The following AGMO variants were observed in gnomAD, a reference collection of about 807,000 sequenced individuals.
The protein encoded by AGMO is alkylglycerol monooxygenase.
Under a neutral mutation model 60.2 loss-of-function variants are expected in AGMO, and 75 were observed. The ratio of observed to expected loss-of-function variants is 1.25; its 90% confidence interval spans 1.03 to 1.51. AGMO has a LOEUF of 1.51. Among genes scored for constraint, AGMO ranks in the 40% most tolerant of loss-of-function variants. The pLI is 0.00. For missense variants in AGMO, 763 were observed against 525.5 expected (o/e 1.45, Z -4.42); for synonymous variants, 261 against 177.1 (o/e 1.47, Z -3.76).
intron 12 of AGMO, among the ~76,000 whole-genome samples, chr7:15,214,730 G>T (rs914437944): frequency 6.6e-6 from 1 of 151,994 alleles, no homozygotes. Context: ...TTTAAAGGAT[G>T]TGGTTGCTTT....
At chr7:15,480,764 G>A (rs1015831636) in intron 3 of AGMO, among the ~76,000 whole-genome samples, 4 of 151,888 alleles carry the variant, frequency 2.6e-5, no homozygotes, top group African/African-American at 9.7e-5. Context: ...GAAAATTATT[G>A]TCAAAGCACC....
intron 12 of AGMO, among the ~76,000 whole-genome samples, chr7:15,285,886 A>C (rs1784084842): frequency 6.6e-6 from 1 of 152,094 alleles, no homozygotes; most frequent in African/African-American, 2.4e-5. Context: ...TCATAAACCA[A>C]TGGAACTAAA....
chr7:15,255,800 A>G (rs1022216882), intron 12 of AGMO, among the ~76,000 whole-genome samples: 7 of 152,208 alleles, frequency 4.6e-5, no homozygotes, highest in African/African-American at 1.7e-4. Context: ...GTTCAAATTT[A>G]GGTAGGTAGG....
intron 12 of AGMO, among the ~76,000 whole-genome samples, chr7:15,228,074 G>A (rs1477705987): frequency 6.6e-6 from 1 of 152,000 alleles, no homozygotes; most frequent in Admixed American, 6.6e-5. Flanking sequence ...TATAAACTCT[G>A]CTTATTTTAA....
chr7:15,327,624 T>C (rs527509427), intron 12 of AGMO, among the ~76,000 whole-genome samples: 2 of 151,240 alleles, frequency 1.3e-5, no homozygotes, highest in Non-Finnish European at 2.9e-5. Flanking sequence ...ATGGGAACTA[T>C]AAACGACAAT....
intron 10 of AGMO, among the ~76,000 whole-genome samples, chr7:15,375,965 C>T (rs1022005667): frequency 7.2e-5 from 11 of 152,044 alleles, no homozygotes; most frequent in African/African-American, 2.4e-4. Context: ...TTATTTGATG[C>T]ATATACTATT....
intron 3 of AGMO, among the ~76,000 whole-genome samples, chr7:15,480,780 C>T (rs1436148543): frequency 6.6e-6 from 1 of 152,062 alleles, no homozygotes; most frequent in African/African-American, 2.4e-5. Flanking sequence ...GCACCTGCCA[C>T]TGCTACAGGA....
intron 3 of AGMO, among the ~76,000 whole-genome samples, chr7:15,469,728 A>G (rs1782395447): frequency 1.3e-5 from 2 of 152,140 alleles, no homozygotes; most frequent in African/African-American, 4.8e-5. Context: ...TGATGATATT[A>G]AAGGAGATAG....
intron 2 of AGMO, among the ~76,000 whole-genome samples, chr7:15,556,227 T>TG (rs1224830476): frequency 1.4e-5 from 2 of 144,060 alleles, no homozygotes; most frequent in Admixed American, 6.9e-5. Context: ...TAGTTTTTTT[T>TG]TTTTTTTTTT....
chr7:15,462,000 A>G (rs1782155916), intron 3 of AGMO, among the ~76,000 whole-genome samples: 1 of 152,138 alleles, frequency 6.6e-6, no homozygotes, highest in East Asian at 1.9e-4. Context: ...AATGACCACA[A>G]GTCCACAAAC....
At chr7:15,139,820 CAAAA>C in the AGMO span, among the ~76,000 whole-genome samples, 2 of 66,294 alleles carry the variant, frequency 3.0e-5, no homozygotes, top group Non-Finnish European at 3.7e-5. Flanking sequence ...TCTCAAAAGA[CAAAA>C]AAAAAAAAAA....
chr7:15,483,913 C>T (rs1583599752), intron 3 of AGMO, among the ~76,000 whole-genome samples: 1 of 152,244 alleles, frequency 6.6e-6, no homozygotes, highest in South Asian at 2.1e-4. Flanking sequence ...TACCTAATAT[C>T]CATACTTATT....
chr7:15,348,139 C>T (rs1021896286), intron 12 of AGMO, among the ~76,000 whole-genome samples: 6 of 151,856 alleles, frequency 4.0e-5, no homozygotes, highest in Non-Finnish European at 7.4e-5. Context: ...ACACAGAATC[C>T]CTATTGACAT....
chr7:15,123,871 A>G, the AGMO span, among the ~76,000 whole-genome samples: 2 of 152,138 alleles, frequency 1.3e-5, no homozygotes, highest in Non-Finnish European at 2.9e-5. Context: ...AAAATGAAGT[A>G]ATTTATTCCA....
At chr7:15,180,566 C>G in the AGMO span, among the ~76,000 whole-genome samples, 2 of 151,980 alleles carry the variant, frequency 1.3e-5, no homozygotes, top group Non-Finnish European at 1.5e-5. Context: ...TAAGTGATCT[C>G]TAAGAAGATT....
chr7:15,395,573 C>G (rs1784339673), intron 5 of AGMO, among the ~76,000 whole-genome samples: 1 of 151,936 alleles, frequency 6.6e-6, no homozygotes, highest in South Asian at 2.1e-4. Context: ...GACAGCTGAT[C>G]CAGATTATGC....
At chr7:15,488,672 G>C (rs943563522) in intron 3 of AGMO, among the ~76,000 whole-genome samples, 7 of 152,028 alleles carry the variant, frequency 4.6e-5, no homozygotes, top group Admixed American at 4.6e-4. Flanking sequence ...ACAGATAGTA[G>C]GTACTTAAAA....
At chr7:15,409,360 C>A (rs1326409527) in intron 5 of AGMO, among the ~76,000 whole-genome samples, 1 of 151,824 alleles carries the variant, frequency 6.6e-6, no homozygotes, top group African/African-American at 2.4e-5. Flanking sequence ...ACAAGTGAAA[C>A]CCAGATAAAT....
chr7:15,388,147 T>G (rs1410933976), intron 8 of AGMO, among the ~76,000 whole-genome samples: 7 of 152,152 alleles, frequency 4.6e-5, no homozygotes, highest in Admixed American at 2.0e-4. Context: ...TAGTTTTCAA[T>G]GAGTTGAACC....
Sources: gnomAD v4.1 joint callset for allele counts (sites outside exome capture counted in the v4.1 genomes callset) on GRCh38, gnomAD v4.1.1 for gene constraint, MANE v1.5 for transcripts, NCBI Gene and HGNC (gene_info 2026-07-23, HGNC 2026-07-21) for gene names.